GRID2: variants seen among roughly 807,000 people sequenced by gnomAD.
GRID2 encodes glutamate ionotropic receptor delta type subunit 2, also known as glutamate receptor ionotropic, delta-2.
A neutral mutation model predicts 114.8 loss-of-function variants in GRID2; 33 were observed. The ratio of observed to expected loss-of-function variants is 0.29; its 90% CI spans 0.22 to 0.38. GRID2 has a LOEUF of 0.38. Among genes scored for constraint, GRID2 ranks in the 10% least tolerant of loss-of-function variants. The pLI, the probability that GRID2 is intolerant of heterozygous loss-of-function variation, is 1.00. For synonymous variants in GRID2, 505 were observed against 449.9 expected (o/e 1.12, Z -1.55); for missense variants, 1,184 against 1,257.7 (o/e 0.94, Z 0.89).
At chr4:92,376,021 AT>A (rs1442803490) in intron 1 of GRID2, among the ~76,000 whole-genome samples, 1 of 152,086 alleles carries the variant, frequency 6.6e-6, no homozygotes, top group Non-Finnish European at 1.5e-5. Context: ...CCATAAAAGA[AT>A]TTTTTTCATT....
intron 2 of GRID2, among the ~76,000 whole-genome samples, chr4:92,597,688 T>C (rs1195209965): frequency 6.6e-6 from 1 of 152,178 alleles, no homozygotes; most frequent in Non-Finnish European, 1.5e-5. Flanking sequence ...CTTCTATGTC[T>C]GTATGTATGG....
chr4:92,599,842 C>G (rs542881007), intron 2 of GRID2, among the ~76,000 whole-genome samples: 1 of 151,552 alleles, frequency 6.6e-6, no homozygotes, highest in Non-Finnish European at 1.5e-5. Context: ...CTAGCCAACA[C>G]GGTGAAACCC....
chr4:92,505,855 G>A (rs1335138142), intron 1 of GRID2, among the ~76,000 whole-genome samples: 1 of 151,950 alleles, frequency 6.6e-6, no homozygotes, highest in African/African-American at 2.4e-5. Flanking sequence ...CACAAAAGAA[G>A]AGTGTCAATA....
intron 1 of GRID2, among the ~76,000 whole-genome samples, chr4:92,314,429 A>G (rs912458061): frequency 6.6e-6 from 1 of 152,128 alleles, no homozygotes; most frequent in Non-Finnish European, 1.5e-5. Context: ...CTCTGAGTGC[A>G]TTCTGTTATG....
At chr4:92,685,220 A>G (rs966559202) in intron 2 of GRID2, among the ~76,000 whole-genome samples, 3 of 152,068 alleles carry the variant, frequency 2.0e-5, no homozygotes, top group East Asian at 1.9e-4. Flanking sequence ...CTGTGAAAAC[A>G]TTGTTCTGAA....
At chr4:92,716,508 T>G (rs1403656341) in intron 2 of GRID2, among the ~76,000 whole-genome samples, 2 of 152,198 alleles carry the variant, frequency 1.3e-5, no homozygotes, top group African/African-American at 2.4e-5. Context: ...ACTGAAGGCT[T>G]TGGTGATATA....
At chr4:92,373,752 T>C (rs1019620355) in intron 1 of GRID2, among the ~76,000 whole-genome samples, 8 of 152,168 alleles carry the variant, frequency 5.3e-5, no homozygotes, top group African/African-American at 1.7e-4. Context: ...CTTTTACTTA[T>C]ATGTCAGTTA....
chr4:93,077,308 T>G (rs994144433), intron 2 of GRID2, among the ~76,000 whole-genome samples: 1 of 152,200 alleles, frequency 6.6e-6, no homozygotes, highest in African/African-American at 2.4e-5. Flanking sequence ...TCTAGGTAGA[T>G]AGCAGTAACT....
intron 14 of GRID2, among the ~76,000 whole-genome samples, chr4:93,688,094 T>A (rs1163881485): frequency 1.3e-5 from 2 of 151,962 alleles, no homozygotes; most frequent in East Asian, 3.9e-4. Context: ...TAGTTTCTGT[T>A]TATCAGTGGA....
chr4:93,110,936 A>G lies in GRID2; in HGVS notation c.718A>G (p.Lys240Glu), dbSNP rs1732706661. The G allele has an allele frequency of 1.2e-6, 2 of 1,608,270 alleles. No homozygotes were observed. The highest frequency in any genetic ancestry group is 1.3e-5 in the African/African-American group (1 of 74,814). ...AILVMNPATA[K>E]SFITEVVETN... ...CCTTGTTATGAATCCTGCTACAGCC[A>G]AATCCTTCATTACTGAGGTAAGTGA... Residue 240 changes from lysine to glutamate, a missense_variant, in exon 4 of 16, where the codon AAA becomes GAA. Around this residue, in one of 3 missense-constraint regions of GRID2, gnomAD observed 455 missense variants for 429.5 expected, o/e 1.06. Coordinates refer to ENST00000282020, the MANE Select transcript of GRID2 (RefSeq NM_001510.4).
At chr4:92,958,857 A>G (rs1466810548) in intron 2 of GRID2, among the ~76,000 whole-genome samples, 1 of 151,926 alleles carries the variant, frequency 6.6e-6, no homozygotes, top group Non-Finnish European at 1.5e-5. Context: ...GTAAATATTC[A>G]CCTATTCAGA....
intron 1 of GRID2, among the ~76,000 whole-genome samples, chr4:92,476,985 T>G (rs893070468): frequency 6.6e-6 from 1 of 151,910 alleles, no homozygotes; most frequent in Non-Finnish European, 1.5e-5. Context: ...ACTGTCATTC[T>G]TAGGATAAAA....
chr4:93,368,093 T>C (rs575265920), intron 8 of GRID2, among the ~76,000 whole-genome samples: 2 of 152,218 alleles, frequency 1.3e-5, no homozygotes, highest in South Asian at 4.1e-4. Flanking sequence ...CTACAGAATT[T>C]CTCAAAACTA....
At chr4:93,025,131 GGA>G (rs1030311723) in intron 2 of GRID2, among the ~76,000 whole-genome samples, 2 of 150,760 alleles carry the variant, frequency 1.3e-5, no homozygotes, top group African/African-American at 4.9e-5. Flanking sequence ...AAGAAGGGAG[GGA>G]GAGAGGTAAA....
intron 1 of GRID2, among the ~76,000 whole-genome samples, chr4:92,556,016 C>T (rs188733622): frequency 6.6e-6 from 1 of 152,198 alleles, no homozygotes; most frequent in East Asian, 1.9e-4. Flanking sequence ...TTACCCATGA[C>T]AATGGGCCCT....
intron 1 of GRID2, chr4:93,806,709 C>T (rs376380415): frequency 2.6e-5 from 4 of 152,284 alleles, no homozygotes; most frequent in African/African-American, 9.6e-5. Context: ...CTTTATTTCC[C>T]CACAGGCTTC....
chr4:93,239,046 T>C (rs749146354), intron 8 of GRID2, among the ~76,000 whole-genome samples: 4 of 150,562 alleles, frequency 2.7e-5, no homozygotes, highest in Non-Finnish European at 4.5e-5. Context: ...ACTGGGACAA[T>C]AACTTTCTCA....
chr4:92,725,930 A>T (rs956891022), intron 2 of GRID2, among the ~76,000 whole-genome samples: 1 of 152,128 alleles, frequency 6.6e-6, no homozygotes, highest in Admixed American at 6.6e-5. Flanking sequence ...CACAAAATGA[A>T]GAATAAATTG....
intron 2 of GRID2, among the ~76,000 whole-genome samples, chr4:92,956,083 G>T (rs905206514): frequency 6.6e-6 from 1 of 152,056 alleles, no homozygotes; most frequent in Admixed American, 6.6e-5. Context: ...ACAATTTTTG[G>T]AACAGTTGTA....
Sources: gnomAD v4.1 joint callset for allele counts (sites outside exome capture counted in the v4.1 genomes callset) on GRCh38, gnomAD v4.1.1 for gene constraint, gnomAD v4.1.1 regional missense constraint, MANE v1.5 for transcripts, NCBI Gene and HGNC (gene_info 2026-07-23, HGNC 2026-07-21) for gene names.